The following GABPA variants were observed in gnomAD, a reference collection of about 807,000 sequenced individuals.
The protein encoded by GABPA is GA binding protein transcription factor subunit alpha.
Under a neutral mutation model 59.4 loss-of-function variants are expected in GABPA, and 4 were observed. That is an observed-to-expected ratio of 0.07 (90% confidence interval 0.03 to 0.15). The LOEUF is 0.15. Among genes scored for constraint, GABPA ranks in the 10% least tolerant of loss-of-function variants. The pLI is 1.00. For missense variants in GABPA, 251 were observed against 543.8 expected (o/e 0.46, Z 5.36); for synonymous variants, 164 against 183.1 (o/e 0.90, Z 0.84).
chr21:25,752,354 T>C, intron 5 of GABPA, 120 bp downstream of exon 5: 1 of 1,017,366 alleles, frequency 9.8e-7, no homozygotes, highest in Non-Finnish European at 1.4e-6. Context: ...ATGTTGATTT[T>C]CTGTATCTCT....
intron 3 of GABPA, 23 bp from the exon 4 acceptor site, chr21:25,749,012 CT>C: frequency 6.9e-7 from 1 of 1,457,464 alleles, no homozygotes; most frequent in Non-Finnish European, 9.6e-7. Context: ...CTGAAATAAT[CT>C]TACTCATTTT....
intron 3 of GABPA, among the ~76,000 whole-genome samples, chr21:25,747,445 T>C (rs2035396215): frequency 6.6e-6 from 1 of 152,250 alleles, no homozygotes; most frequent in South Asian, 2.1e-4. Context: ...ATAATTCATA[T>C]TGTCATAGAA....
chr21:25,739,535 C>A (rs1002077237), intron 1 of GABPA, among the ~76,000 whole-genome samples: 1 of 152,160 alleles, frequency 6.6e-6, no homozygotes, highest in African/African-American at 2.4e-5. Context: ...CAAAGCCAGT[C>A]ACAGCTAACC....
At chr21:25,763,947 A>C (rs1272505202) in intron 7 of GABPA, among the ~76,000 whole-genome samples, 1 of 151,990 alleles carries the variant, frequency 6.6e-6, no homozygotes, top group African/African-American at 2.4e-5. Flanking sequence ...TCTTTGTCTA[A>C]TGTGTATGCA....
At chr21:25,752,926 C>T (rs2035549956) in intron 5 of GABPA, among the ~76,000 whole-genome samples, 1 of 151,886 alleles carries the variant, frequency 6.6e-6, no homozygotes, top group South Asian at 2.1e-4. Flanking sequence ...TTGGGAGTAG[C>T]AAGGAAAAAG....
At chr21:25,757,380 C>G (rs1326654943) in intron 5 of GABPA, among the ~76,000 whole-genome samples, 1 of 152,068 alleles carries the variant, frequency 6.6e-6, no homozygotes, top group Non-Finnish European at 1.5e-5. Flanking sequence ...TAAGATTAAA[C>G]AAGTGTATGA....
chr21:25,743,968 C>T (rs559756447), intron 2 of GABPA, among the ~76,000 whole-genome samples: 7 of 140,084 alleles, frequency 5.0e-5, no homozygotes, highest in African/African-American at 5.4e-5. Context: ...CGCTTGAACT[C>T]GGGAGGCGGA....
At position 25,735,001 on chromosome 21, in the gene GABPA, G is replaced by T; in HGVS notation, c.-604G>T. The T allele has an allele frequency of 6.5e-7, 1 of 1,545,994 alleles. No homozygotes were observed. Among genetic ancestry groups the T allele is most frequent in the Non-Finnish European group, 8.7e-7 (1 of 1,145,366 alleles). On this transcript the variant is annotated 5_prime_UTR_variant, in exon 1 of 10. Coordinates refer to ENST00000400075, the MANE Select transcript of GABPA (RefSeq NM_002040.4). ...GGTCGACGCTCACCGGACAGGAAGC[G>T]TCTCGGAGACAGTCTGCGACCGGAC...
chr21:25,769,472 T>C lies in GABPA; in HGVS notation c.*240T>C, dbSNP rs1601162143. On this transcript the variant is annotated 3_prime_UTR_variant, in exon 10 of 10. Transcript: ENST00000400075. Reference sequence around the variant, plus strand: ...TGTCTGCAGTGTGAAGGCAGGTTCATTGTGGAATAGTTTAACAGTCAGGAA... The same window carrying C: ...TGTCTGCAGTGTGAAGGCAGGTTCACTGTGGAATAGTTTAACAGTCAGGAA... 2 of 425,966 alleles carry C rather than the reference T, an allele frequency of 4.7e-6. No individual in the cohort carries two copies. The highest frequency in any genetic ancestry group is 3.1e-5 in the South Asian group (1 of 32,754). 26.4% of individuals were successfully genotyped at this position (425,966 alleles called of 1,614,324 possible).
At chr21:25,749,915 A>G (rs1169843367) in intron 4 of GABPA, among the ~76,000 whole-genome samples, 1 of 152,240 alleles carries the variant, frequency 6.6e-6, no homozygotes, top group Non-Finnish European at 1.5e-5. Context: ...GTTTCACAGA[A>G]GACAGTTTTT....
chr21:25,770,945 G>T lies in GABPA; in HGVS notation c.*1713G>T, dbSNP rs2035997825. 1 of 152,010 alleles carries T rather than the reference G, an allele frequency of 6.6e-6. No homozygotes were observed. The highest frequency in any genetic ancestry group is 6.6e-5 in the Admixed American group (1 of 15,266). The allele number at this position is 152,010 out of a possible 1,614,324, so 9.4% of individuals were successfully genotyped here. A position where few individuals can be genotyped will look rare whatever the true frequency, so the allele number is the denominator to read the frequency against. The stretch of plus-strand genomic sequence containing the variant: ...TATTTCCATTTTTACTTTTTTGAAA[G>T]AGAATATATGGACAGATTATTAGTA... On this transcript the variant is annotated 3_prime_UTR_variant, in exon 10 of 10. Coordinates refer to ENST00000400075, the MANE Select transcript of GABPA (RefSeq NM_002040.4).
chr21:25,766,256 T>C (rs915217053), intron 9 of GABPA, among the ~76,000 whole-genome samples: 9 of 152,004 alleles, frequency 5.9e-5, no homozygotes, highest in African/African-American at 2.2e-4. Flanking sequence ...CTCTTGCTTA[T>C]GCCGTACCAA....
chr21:25,744,883 T>G (rs1414979999), intron 2 of GABPA, among the ~76,000 whole-genome samples: 6 of 152,216 alleles, frequency 3.9e-5, no homozygotes, highest in Non-Finnish European at 7.3e-5. Context: ...CTAAAATTCT[T>G]CAAAATAACT....
At chr21:25,756,388 C>T (rs2035637834) in intron 5 of GABPA, among the ~76,000 whole-genome samples, 1 of 152,152 alleles carries the variant, frequency 6.6e-6, no homozygotes, top group Non-Finnish European at 1.5e-5. Context: ...TCCTTGGCGT[C>T]CCTCTGCTGC....
At chr21:25,756,925 TTAA>T (rs2035650670) in intron 5 of GABPA, among the ~76,000 whole-genome samples, 1 of 152,232 alleles carries the variant, frequency 6.6e-6, no homozygotes, top group Non-Finnish European at 1.5e-5. Context: ...TCTGTGGCTA[TTAA>T]TCCTGTATTC....
intron 6 of GABPA, among the ~76,000 whole-genome samples, chr21:25,758,819 A>G (rs71651618): frequency 0.025 from 3,735 of 152,262 alleles, 153 homozygotes; most frequent in African/African-American, 0.085. Context: ...TTAAGTGACC[A>G]TGTAAAGAAA....
At chr21:25,750,638 T>TA (rs2035487039) in intron 4 of GABPA, among the ~76,000 whole-genome samples, 1 of 152,252 alleles carries the variant, frequency 6.6e-6, no homozygotes, top group South Asian at 2.1e-4. Flanking sequence ...TCTCTGAACA[T>TA]ATATTGTTCA....
At chr21:25,749,218 C>T in intron 4 of GABPA, 98 bp downstream of exon 4, 1 of 701,720 alleles carries the variant, frequency 1.4e-6, no homozygotes, top group Non-Finnish European at 2.5e-6. Context: ...GTCTACATTA[C>T]TTGATATGAT....
At chr21:25,745,081 A>G (rs936561287) in intron 2 of GABPA, 129 bp from the exon 3 acceptor site, 17 of 897,306 alleles carry the variant, frequency 1.9e-5, no homozygotes, top group African/African-American at 8.5e-5. Flanking sequence ...CTGCCACAGT[A>G]TCTATGTAGA....
Sources: allele counts gnomAD v4.1 joint callset (sites outside exome capture counted in the v4.1 genomes callset), GRCh38; gene constraint gnomAD v4.1.1; transcripts MANE v1.5; gene names NCBI Gene and HGNC (gene_info 2026-07-23, HGNC 2026-07-21).